Variants in LPP observed in about 807,000 individuals in gnomAD.
The protein encoded by LPP is lipoma-preferred partner.
Under a neutral mutation model 60.4 loss-of-function variants are expected in LPP, and 38 were observed. That is an observed-to-expected ratio of 0.63 (90% CI 0.49 to 0.83). LPP has a LOEUF of 0.83. Among genes scored for constraint, LPP ranks in the 40% least tolerant of loss-of-function variants. The pLI is 0.00. For synonymous variants in LPP, 328 were observed against 290.8 expected, an observed-to-expected ratio of 1.13 and a Z score of -1.30; for missense variants, 902 against 783.6, an observed-to-expected ratio of 1.15 and a Z score of -1.80.
At chr3:188,174,184 A>G (rs1024310835) in intron 1 of LPP, among the ~76,000 whole-genome samples, 1 of 152,268 alleles carries the variant, frequency 6.6e-6, no homozygotes, top group Non-Finnish European at 1.5e-5. Context: ...AGAGTTATTC[A>G]TGAGGAAATC....
At chr3:188,427,607 G>C (rs1789743611) in intron 4 of LPP, among the ~76,000 whole-genome samples, 1 of 152,102 alleles carries the variant, frequency 6.6e-6, no homozygotes, top group Admixed American at 6.5e-5. Context: ...GAGATGCCCT[G>C]CCCAGAGAGG....
intron 7 of LPP, among the ~76,000 whole-genome samples, chr3:188,633,290 A>T (rs1461239854): frequency 6.6e-6 from 1 of 152,228 alleles, no homozygotes; most frequent in Admixed American, 6.5e-5. Context: ...CTGCTAAGAC[A>T]CAGTTCTTTA....
At chr3:188,603,686 C>T (rs1476388537) in intron 6 of LPP, among the ~76,000 whole-genome samples, 3 of 152,102 alleles carry the variant, frequency 2.0e-5, no homozygotes, top group Non-Finnish European at 4.4e-5. Flanking sequence ...CTTGTGTTTT[C>T]TGCCACAGGG....
At chr3:188,288,511 G>T (rs1744750666) in intron 2 of LPP, among the ~76,000 whole-genome samples, 2 of 120,998 alleles carry the variant, frequency 1.7e-5, no homozygotes, top group Admixed American at 8.3e-5. Flanking sequence ...TCCTGTCTCA[G>T]CATTGCTCCC....
intron 2 of LPP, among the ~76,000 whole-genome samples, chr3:188,235,788 C>T (rs1026817020): frequency 2.6e-5 from 4 of 152,098 alleles, no homozygotes; most frequent in African/African-American, 9.7e-5. Context: ...AACCACCATC[C>T]CCTATTGTCA....
At chr3:188,176,741 A>G (rs1723149843) in intron 1 of LPP, among the ~76,000 whole-genome samples, 1 of 152,256 alleles carries the variant, frequency 6.6e-6, no homozygotes, top group Admixed American at 6.5e-5. Flanking sequence ...TAGGACTGCA[A>G]GAAGTCACTG....
intron 2 of LPP, among the ~76,000 whole-genome samples, chr3:188,308,846 C>A (rs1234763921): frequency 4.6e-5 from 7 of 150,916 alleles, no homozygotes; most frequent in Non-Finnish European, 1.0e-4. Flanking sequence ...GTTGTTTCTT[C>A]TTGTTCTTCT....
chr3:188,617,956 T>C (rs946283334), intron 7 of LPP, among the ~76,000 whole-genome samples: 4 of 152,194 alleles, frequency 2.6e-5, no homozygotes, highest in African/African-American at 9.7e-5. Flanking sequence ...ACTCATACTG[T>C]CCAATTTCAA....
chr3:188,192,343 G>A (rs1318846228), intron 1 of LPP, among the ~76,000 whole-genome samples: 2 of 152,194 alleles, frequency 1.3e-5, no homozygotes, highest in African/African-American at 4.8e-5. Flanking sequence ...GGACAGTTGA[G>A]GGGTTCAGGT....
intron 3 of LPP, among the ~76,000 whole-genome samples, chr3:188,354,776 C>A (rs112673295): frequency 0.017 from 2,588 of 152,176 alleles, 30 homozygotes; most frequent in Non-Finnish European, 0.025. Context: ...CAGTGAATAA[C>A]GTCCCTGGGA....
intron 5 of LPP, among the ~76,000 whole-genome samples, chr3:188,513,633 A>T (rs1485197685): frequency 6.6e-6 from 1 of 151,784 alleles, no homozygotes; most frequent in African/African-American, 2.4e-5. Context: ...TATATTATTT[A>T]TATTATTTTT....
intron 2 of LPP, among the ~76,000 whole-genome samples, chr3:188,318,556 A>T (rs1206590362): frequency 6.6e-6 from 1 of 152,168 alleles, no homozygotes; most frequent in African/African-American, 2.4e-5. Context: ...CTCGGCTCAT[A>T]TAATTTCAGC....
chr3:188,236,369 G>T (rs1159761381), intron 2 of LPP, among the ~76,000 whole-genome samples: 1 of 152,178 alleles, frequency 6.6e-6, no homozygotes, highest in African/African-American at 2.4e-5. Flanking sequence ...AGATGTGTGG[G>T]TGGGATGGAC....
intron 4 of LPP, among the ~76,000 whole-genome samples, chr3:188,466,804 A>AAAATAT (rs375483583): frequency 1.4e-5 from 1 of 72,938 alleles, no homozygotes; most frequent in Non-Finnish European, 2.7e-5. Flanking sequence ...GTCATCTCAG[A>AAAATAT]ACATATATAT....
intron 2 of LPP, among the ~76,000 whole-genome samples, chr3:188,254,039 AC>A (rs201207002): frequency 0.018 from 2,808 of 152,162 alleles, 41 homozygotes; most frequent in South Asian, 0.03. Flanking sequence ...GTCTTAATTC[AC>A]CTTTTTGCTT....
chr3:188,646,402 C>T (rs992694561), intron 7 of LPP, among the ~76,000 whole-genome samples: 1 of 152,122 alleles, frequency 6.6e-6, no homozygotes, highest in Non-Finnish European at 1.5e-5. Context: ...CCTGGAAGAA[C>T]AATGATGCTG....
At chr3:188,807,031 G>T (rs1749356805) in intron 9 of LPP, among the ~76,000 whole-genome samples, 1 of 151,620 alleles carries the variant, frequency 6.6e-6, no homozygotes, top group South Asian at 2.1e-4. Flanking sequence ...TCTGCTTGAA[G>T]AGCTCCCTTC....
At chr3:188,745,677 T>A (rs1423097425) in intron 8 of LPP, among the ~76,000 whole-genome samples, 1 of 152,164 alleles carries the variant, frequency 6.6e-6, no homozygotes, top group East Asian at 1.9e-4. Context: ...TTTTTTAAGT[T>A]GATAAATCCC....
chr3:188,661,184 A>G (rs933615939), intron 7 of LPP, among the ~76,000 whole-genome samples: 1 of 152,118 alleles, frequency 6.6e-6, no homozygotes, highest in African/African-American at 2.4e-5. Context: ...TTTCTTTCTA[A>G]TGCTGGATAA....
Sources: allele counts gnomAD v4.1 joint callset (sites outside exome capture counted in the v4.1 genomes callset), GRCh38; gene constraint gnomAD v4.1.1; transcripts MANE v1.5; gene names NCBI Gene and HGNC (gene_info 2026-07-23, HGNC 2026-07-21).